TFPI: variants seen among roughly 807,000 people sequenced by gnomAD.
The protein encoded by TFPI is anti-convertin.
Under a neutral mutation model 34.6 loss-of-function variants are expected in TFPI, and 15 were observed. That is an observed-to-expected ratio of 0.43 (90% CI 0.29 to 0.67). TFPI has a LOEUF of 0.67. Ranked by LOEUF, TFPI falls within the 30% of genes least tolerant of loss-of-function variation. The pLI, the probability that TFPI is intolerant of heterozygous loss-of-function variation, is 0.15. For synonymous variants in TFPI, 105 were observed against 120.1 expected, an observed-to-expected ratio of 0.87 and a Z score of 0.82; for missense variants, 301 against 364.0, an observed-to-expected ratio of 0.83 and a Z score of 1.41.
At chr2:187,486,871 G>A (rs1693305344) in intron 4 of TFPI, among the ~76,000 whole-genome samples, 1 of 151,404 alleles carries the variant, frequency 6.6e-6, no homozygotes, top group African/African-American at 2.4e-5. Flanking sequence ...TCTTTCTAAG[G>A]GATTGTATTA....
chr2:187,487,274 A>G (rs1247615291), intron 4 of TFPI, among the ~76,000 whole-genome samples: 1 of 151,452 alleles, frequency 6.6e-6, no homozygotes, highest in African/African-American at 2.4e-5. Flanking sequence ...TAATTAAAGT[A>G]CTAAACATTT....
chr2:187,537,867 A>T (rs1376571554), intron 1 of TFPI, among the ~76,000 whole-genome samples: 2 of 152,056 alleles, frequency 1.3e-5, no homozygotes, highest in Non-Finnish European at 2.9e-5. Flanking sequence ...TTCAGAATCT[A>T]CAAAGAACTT....
chr2:187,505,532 A>G (rs1434344985), intron 1 of TFPI, among the ~76,000 whole-genome samples: 1 of 152,160 alleles, frequency 6.6e-6, no homozygotes, highest in Non-Finnish European at 1.5e-5. Context: ...CTCCTTAGAC[A>G]GCTTTATTTT....
chr2:187,508,359 A>G (rs1251087469), intron 1 of TFPI, among the ~76,000 whole-genome samples: 2 of 152,164 alleles, frequency 1.3e-5, no homozygotes, highest in South Asian at 2.1e-4. Flanking sequence ...AAGAAAGTCA[A>G]TGGTAGCTTA....
chr2:187,552,939 T>A (rs1689145973), intron 1 of TFPI, among the ~76,000 whole-genome samples: 3 of 152,104 alleles, frequency 2.0e-5, no homozygotes, highest in Non-Finnish European at 2.9e-5. Context: ...TATTTTTCAA[T>A]CTTTGTTGAT....
At chr2:187,484,045 A>G in intron 6 of TFPI, 79 bp downstream of exon 6, 1 of 1,145,336 alleles carries the variant, frequency 8.7e-7, no homozygotes, top group South Asian at 1.3e-5. Flanking sequence ...ATTTAAAGAC[A>G]TACTTCTAAT....
intron 3 of TFPI, among the ~76,000 whole-genome samples, chr2:187,495,737 G>T (rs1685433176): frequency 6.6e-6 from 1 of 152,144 alleles, no homozygotes; most frequent in South Asian, 2.1e-4. Context: ...GAGTGAGAAT[G>T]CAGAGCTGCC....
rs61019402 is a variant in TFPI, at chr2:187,468,258, GACACAC to G, written c.629-332_629-327del. On this transcript the variant is annotated intron_variant, in intron 6 of 7. Transcript: ENST00000233156. Reference sequence around the variant, plus strand: ...ATGTAACTGCTGAAAATTTCTTACAGACACACACACACACACACACACACACACACA... The same window carrying G: ...ATGTAACTGCTGAAAATTTCTTACAGACACACACACACACACACACACACA... Among the ~76,000 whole-genome samples, 376 of 147,110 alleles carry G rather than the reference GACACAC, an allele frequency of 2.6e-3. 1 individual carries two copies. The highest frequency in any genetic ancestry group is 0.017 in the South Asian group (80 of 4,572).
Position 187,554,343 on chromosome 2 carries a change from A to G in TFPI, c.-146T>C, listed in dbSNP as rs1231106622. ...AGCAGATCAAGAAACTGGCGATTGA[A>G]GAGTAACTGAAAGAAACGCAATCTG... On this transcript the variant is annotated 5_prime_UTR_variant, in exon 1 of 8. Coordinates refer to ENST00000233156, the MANE Select transcript of TFPI (RefSeq NM_006287.6). 1 of 152,200 alleles carries G rather than the reference A, an allele frequency of 6.6e-6. No individual in the cohort carries two copies. The allele number at this position is 152,200 out of a possible 1,614,324, so 9.4% of individuals were successfully genotyped here.
chr2:187,486,970 G>A (rs1045349680), intron 4 of TFPI, among the ~76,000 whole-genome samples: 2 of 151,512 alleles, frequency 1.3e-5, no homozygotes, highest in Non-Finnish European at 3.0e-5. Context: ...ACAAATAGGT[G>A]TTAACATGTA....
At chr2:187,534,628 A>C (rs1157570304) in intron 1 of TFPI, among the ~76,000 whole-genome samples, 1 of 152,206 alleles carries the variant, frequency 6.6e-6, no homozygotes, top group African/African-American at 2.4e-5. Context: ...ACAGATTGTA[A>C]AGACCGTCAA....
At chr2:187,525,503 G>A (rs979054139) in intron 1 of TFPI, among the ~76,000 whole-genome samples, 12 of 150,556 alleles carry the variant, frequency 8.0e-5, no homozygotes, top group South Asian at 2.1e-4. Context: ...TTTTAAGTTC[G>A]TTTAGTGGTT....
intron 1 of TFPI, chr2:187,518,540 A>G (rs1349359597): frequency 1.3e-5 from 2 of 152,190 alleles, no homozygotes; most frequent in Non-Finnish European, 2.9e-5. Context: ...CTTTGTGGGT[A>G]ACCCAACCTT....
chr2:187,552,585 G>T (rs1400012631), intron 1 of TFPI, among the ~76,000 whole-genome samples: 1 of 152,034 alleles, frequency 6.6e-6, no homozygotes. Flanking sequence ...TGGACAATCA[G>T]TCAGACCATC....
intron 1 of TFPI, among the ~76,000 whole-genome samples, chr2:187,511,322 T>G (rs1162250672): frequency 1.3e-5 from 2 of 152,202 alleles, no homozygotes; most frequent in Admixed American, 6.5e-5. Context: ...TGACTTGACT[T>G]GGATGGCTTG....
At chr2:187,504,552 C>A (rs1322642736) in intron 1 of TFPI, among the ~76,000 whole-genome samples, 1 of 144,496 alleles carries the variant, frequency 6.9e-6, no homozygotes, top group Non-Finnish European at 1.5e-5. Flanking sequence ...GTTTAAAGAT[C>A]TATCGCCAAA....
At chr2:187,539,085 AGTGTGTGT>A (rs10608725) in intron 1 of TFPI, among the ~76,000 whole-genome samples, 2 of 150,278 alleles carry the variant, frequency 1.3e-5, no homozygotes, top group South Asian at 2.1e-4. Flanking sequence ...GCCTAAATAG[AGTGTGTGT>A]GTGTGTGTGT....
chr2:187,468,376 A>T (rs762005385), intron 6 of TFPI, among the ~76,000 whole-genome samples: 1 of 152,074 alleles, frequency 6.6e-6, no homozygotes, highest in Non-Finnish European at 1.5e-5. Context: ...TTTATTTGTG[A>T]TGTAACAAAA....
At chr2:187,477,035 A>T (rs1440223279) in intron 6 of TFPI, among the ~76,000 whole-genome samples, 1 of 152,062 alleles carries the variant, frequency 6.6e-6, no homozygotes, top group Non-Finnish European at 1.5e-5. Context: ...CCTTTTAAAG[A>T]TATCTATATA....
Sources: allele counts gnomAD v4.1 joint callset (sites outside exome capture counted in the v4.1 genomes callset), GRCh38; gene constraint gnomAD v4.1.1; transcripts MANE v1.5; gene names NCBI Gene and HGNC (gene_info 2026-07-23, HGNC 2026-07-21).